Variants in C1QL3 observed in about 807,000 individuals in gnomAD.
C1QL3 encodes complement C1q like 3, also known as complement C1q-like protein 3.
C1QL3 carries 4 observed loss-of-function variants against 16.6 expected under a neutral mutation model. That is an observed-to-expected ratio of 0.24 (90% CI 0.12 to 0.55). C1QL3 has a LOEUF of 0.55. Ranked by LOEUF, C1QL3 falls within the 20% of genes least tolerant of loss-of-function variation. The pLI is 0.94. For missense variants in C1QL3, 269 were observed against 365.6 expected (o/e 0.74, Z 2.16); for synonymous variants, 189 against 160.2 (o/e 1.18, Z -1.36).
Position 16,514,512 on chromosome 10 carries a change from C to T in C1QL3, c.*16G>A, listed in dbSNP as rs114662300. On this transcript the variant is annotated 3_prime_UTR_variant, in exon 2 of 2. Coordinates refer to ENST00000298943, the MANE Select transcript of C1QL3 (RefSeq NM_001010908.2). ...CAGTGTTCAAACTCAGAATAATAAG[C>T]TTAGTTTCTGCATTATCAGTCAGCA... 2,440 of 1,607,762 alleles carry T rather than the reference C, an allele frequency of 1.5e-3. 20 individuals carry two copies. The African/African-American group carries it at 0.023, about 15-fold the overall frequency.
Position 16,520,361 on chromosome 10 carries a change from C to G in C1QL3, c.588+117G>C. 1.2e-6 allele frequency: 1 copy of G among 811,044 alleles called. No homozygotes were observed. Among genetic ancestry groups the G allele is most frequent in the South Asian group, 1.8e-5 (1 of 55,678 alleles). The allele number at this position is 811,044 out of a possible 1,614,324, so 50.2% of individuals were successfully genotyped here. A position where few individuals can be genotyped will look rare whatever the true frequency, so the allele number is the denominator to read the frequency against. ...CCCCCCTTGCCGTCGCTCCAGGGAG[C>G]CCGGCCGCCGCGCCCTTCCTCCGCG... On this transcript the variant is annotated intron_variant, in intron 1 of 1. Transcript: ENST00000298943. The surrounding 1 kb of genome is among the most constrained non-coding windows in gnomAD (Gnocchi z 8.3).
At position 16,520,717 on chromosome 10, in the gene C1QL3, T is replaced by C. The variant is rs1256477275; in HGVS notation, c.349A>G (p.Ser117Gly). The change falls in exon 1 of 2, where the codon AGC (serine) becomes GGC (glycine). Residue 117 changes from serine (S) to glycine (G), a missense_variant. This residue lies in a region of C1QL3 where 246 missense variants were observed against 297.2 expected (regional missense o/e 0.83). Coordinates refer to ENST00000298943, the MANE Select transcript of C1QL3 (RefSeq NM_001010908.2). This position sits in a 1 kb window ranked among gnomAD's most constrained non-coding sequence, Gnocchi z 8.3. ...GGCACCGTGCTGTAGGTGGCGGCGC[T>C]GATGGCCCCGGCCGCGTTCAGGCCG... ...APGLNAAGAISAATYSTVPKI... is the reference protein window; with the variant it reads ...APGLNAAGAIGAATYSTVPKI... 2 of 1,556,814 alleles carry C rather than the reference T, an allele frequency of 1.3e-6. No individual in the cohort carries two copies. Among genetic ancestry groups the C allele is most frequent in the Non-Finnish European group, 1.7e-6 (2 of 1,150,688 alleles).
Position 16,521,606 on chromosome 10 carries a change from T to A in C1QL3, c.-541A>T, listed in dbSNP as rs1837045429. ...TTCTTTCGCTCGCTCAGTTCGCCCG[T>A]CCGCTGCCTTTTTTTTTTATTGCCT... On this transcript the variant is annotated 5_prime_UTR_variant, in exon 1 of 2. Transcript: ENST00000298943. The A allele has an allele frequency of 6.6e-6, 1 of 152,618 alleles. No homozygotes were observed. The highest frequency in any genetic ancestry group is 2.4e-5 in the African/African-American group (1 of 41,320). 9.5% of individuals were successfully genotyped at this position (152,618 alleles called of 1,614,324 possible). A position where few individuals can be genotyped will look rare whatever the true frequency, so the allele number is the denominator to read the frequency against.
rs1298820854 is a variant in C1QL3, at chr10:16,520,952, G to A, written c.114C>T (p.Thr38=). ...CRMVCDPYGG[T]KAPSTAATPD... is the part of the protein sequence containing the mutation. Reference sequence around the variant, plus strand: ...GCGTGGCAGCGGTGCTGGGCGCCTTGGTGCCCCCGTAGGGGTCGCAGACCA... The same window carrying A: ...GCGTGGCAGCGGTGCTGGGCGCCTTAGTGCCCCCGTAGGGGTCGCAGACCA... The change falls in exon 1 of 2, where the codon ACC becomes ACT. Residue 38 remains threonine, a synonymous_variant. Transcript: ENST00000298943. The surrounding 1 kb of genome is among the most constrained non-coding windows in gnomAD (Gnocchi z 8.3). 1 of 1,577,508 alleles carries A rather than the reference G, an allele frequency of 6.3e-7. No individual in the cohort carries two copies. The highest frequency in any genetic ancestry group is 1.3e-5 in the African/African-American group (1 of 74,304).
chr10:16,513,844 C>T lies in C1QL3; in HGVS notation c.*684G>A, dbSNP rs1376984932. The T allele has an allele frequency of 6.5e-6, 1 of 153,024 alleles. No individual in the cohort carries two copies. The highest frequency in any genetic ancestry group is 1.5e-5 in the Non-Finnish European group (1 of 68,374). The allele number at this position is 153,024 out of a possible 1,614,324, so 9.5% of individuals were successfully genotyped here. The stretch of plus-strand genomic sequence containing the variant: ...ACACTTAGAGGGTAATCCTATGATA[C>T]ACTGTCAATCTCTATTTTTAAAGAC... On this transcript the variant is annotated 3_prime_UTR_variant, in exon 2 of 2. Transcript: ENST00000298943.
At chr10:16,515,753 C>T (rs1836940396) in intron 1 of C1QL3, among the ~76,000 whole-genome samples, 1 of 152,138 alleles carries the variant, frequency 6.6e-6, no homozygotes, top group Non-Finnish European at 1.5e-5. Flanking sequence ...AACAGGCAGA[C>T]TTAGATTTGA....
Position 16,520,440 on chromosome 10 carries a change from C to T in C1QL3, c.588+38G>A, listed in dbSNP as rs1158887239. 2 of 1,250,602 alleles carry T rather than the reference C, an allele frequency of 1.6e-6. No homozygotes were observed. Among genetic ancestry groups the T allele is most frequent in the South Asian group, 2.8e-5 (2 of 71,824 alleles). 77.5% of individuals were successfully genotyped at this position (1,250,602 alleles called of 1,614,324 possible). A position where few individuals can be genotyped will look rare whatever the true frequency, so the allele number is the denominator to read the frequency against. ...TCCCTCTCGCCCGCACCTTCCCGCG[C>T]TCCCTCCCCGCCCTCCCCGCCGCCC... On this transcript the variant is annotated intron_variant, in intron 1 of 1. Coordinates refer to ENST00000298943, the MANE Select transcript of C1QL3 (RefSeq NM_001010908.2). The surrounding 1 kb of genome is among the most constrained non-coding windows in gnomAD (Gnocchi z 8.3).
At position 16,521,208 on chromosome 10, in the gene C1QL3, G is replaced by A; in HGVS notation, c.-143C>T. The stretch of plus-strand genomic sequence containing the variant: ...TCTTCAGAGCCGAAAACAACCCCCT[G>A]CGAACCCCAACTCCCCTGGGCGTGC... On this transcript the variant is annotated 5_prime_UTR_variant, in exon 1 of 2. Coordinates refer to ENST00000298943, the MANE Select transcript of C1QL3 (RefSeq NM_001010908.2). The A allele has an allele frequency of 4.2e-6, 3 of 712,370 alleles. No individual in the cohort carries two copies. The highest frequency in any genetic ancestry group is 3.7e-5 in the South Asian group (2 of 54,488). 44.1% of individuals were successfully genotyped at this position (712,370 alleles called of 1,614,324 possible). A position where few individuals can be genotyped will look rare whatever the true frequency, so the allele number is the denominator to read the frequency against.
chr10:16,515,187 T>C (rs10160183), intron 1 of C1QL3, among the ~76,000 whole-genome samples: 17,701 of 142,994 alleles, frequency 0.12, 1,113 homozygotes, highest in Middle Eastern at 0.23. Flanking sequence ...TAGCTAAAAA[T>C]ACCCAGGAAA....
rs930691294 is a variant in C1QL3, at chr10:16,521,046, A to G, written c.20T>C (p.Ile7Thr). 2.5e-6 allele frequency: 4 copies of G among 1,600,224 alleles called. No homozygotes were observed. Among genetic ancestry groups the G allele is most frequent in the Admixed American group, 1.7e-5 (1 of 59,800 alleles). The part of the protein sequence containing the change: MVLLLV[I>T]LIPVLVSSAG... Reference sequence around the variant, plus strand: ...CGAGCTCACCAGCACCGGGATGAGGATCACCAGCAGCAGCACCATCACCAC... The same window carrying G: ...CGAGCTCACCAGCACCGGGATGAGGGTCACCAGCAGCAGCACCATCACCAC... The change falls in exon 1 of 2, where the codon ATC becomes ACC. Residue 7 changes from isoleucine to threonine, a missense_variant. Ile to Thr is a moderately conservative substitution (Grantham distance 89). Transcript: ENST00000298943.
intron 1 of C1QL3, among the ~76,000 whole-genome samples, chr10:16,516,147 T>A (rs1390035617): frequency 6.6e-6 from 1 of 152,176 alleles, no homozygotes; most frequent in Non-Finnish European, 1.5e-5. Flanking sequence ...AGAAAATGGC[T>A]TAAAGGATTT....
rs1837028842 is a variant in C1QL3, at chr10:16,520,784, G to T, written c.282C>A (p.Gly94=). The change falls in exon 1 of 2, where the codon GGC becomes GGA. Residue 94 remains glycine, a synonymous_variant. Transcript: ENST00000298943. The surrounding 1 kb of genome is among the most constrained non-coding windows in gnomAD (Gnocchi z 8.3). ...PGPMGPPGEK[G]EPGRQGLPGP... ...CCGGCAGGCCTTGGCGGCCCGGCTC[G>T]CCCTTCTCGCCCGGGGGCCCCATGG... 7.7e-7 allele frequency: 1 copy of T among 1,298,856 alleles called. No homozygotes were observed. The highest frequency in any genetic ancestry group is 2.6e-5 in the South Asian group (1 of 38,610). The allele number at this position is 1,298,856 out of a possible 1,614,324, so 80.5% of individuals were successfully genotyped here.
Position 16,520,444 on chromosome 10 carries a change from C to A in C1QL3, c.588+34G>T. On this transcript the variant is annotated intron_variant, in intron 1 of 1. Coordinates refer to ENST00000298943, the MANE Select transcript of C1QL3 (RefSeq NM_001010908.2). This position sits in a 1 kb window ranked among gnomAD's most constrained non-coding sequence, Gnocchi z 8.3. ...TCTCGCCCGCACCTTCCCGCGCTCC[C>A]TCCCCGCCCTCCCCGCCGCCCGCCC... 1 of 1,271,924 alleles carries A rather than the reference C, an allele frequency of 7.9e-7. No individual in the cohort carries two copies. 78.8% of individuals were successfully genotyped at this position (1,271,924 alleles called of 1,614,324 possible). A position where few individuals can be genotyped will look rare whatever the true frequency, so the allele number is the denominator to read the frequency against.
chr10:16,519,140 C>CTTATTTTTTTTT (rs1836996587), intron 1 of C1QL3, among the ~76,000 whole-genome samples: 1 of 39,476 alleles, frequency 2.5e-5, no homozygotes. Flanking sequence ...GCATTTAGGA[C>CTTATTTTTTTTT]TTTTTTTTTT....
Position 16,520,732 on chromosome 10 carries a change from C to G in C1QL3, c.334G>C (p.Ala112Pro). The change falls in exon 1 of 2, where the codon GCG becomes CCG. Residue 112 changes from alanine to proline, a missense_variant. By Grantham distance (27) the Ala-to-Pro change is conservative. Around this residue, in one of 2 missense-constraint regions of C1QL3, gnomAD observed 246 missense variants for 297.2 expected, o/e 0.83. Transcript: ENST00000298943. This position sits in a 1 kb window ranked among gnomAD's most constrained non-coding sequence, Gnocchi z 8.3. ...PGPPGAPGLN[A>P]AGAISAATYS... is the part of the protein sequence containing the mutation. ...GTGGCGGCGCTGATGGCCCCGGCCG[C>G]GTTCAGGCCGGGCGCCCCGGGCGGG... 2 of 1,489,222 alleles carry G rather than the reference C, an allele frequency of 1.3e-6. No individual in the cohort carries two copies. Among genetic ancestry groups the G allele is most frequent in the South Asian group, 1.4e-5 (1 of 73,046 alleles). The allele number at this position is 1,489,222 out of a possible 1,614,324, so 92.3% of individuals were successfully genotyped here.
intron 1 of C1QL3, among the ~76,000 whole-genome samples, chr10:16,519,135 TAGGAC>T: frequency 1.4e-5 from 2 of 146,366 alleles, no homozygotes; most frequent in South Asian, 2.2e-4. Flanking sequence ...CTTACGCATT[TAGGAC>T]TTTTTTTTTT....
Position 16,521,035 on chromosome 10 carries a change from C to T in C1QL3, c.31G>A (p.Val11Met). The T allele has an allele frequency of 1.2e-6, 2 of 1,601,158 alleles. No homozygotes were observed. The highest frequency in any genetic ancestry group is 1.7e-6 in the Non-Finnish European group (2 of 1,178,730). Reference sequence around the variant, plus strand: ...GACGTGCCGGCCGAGCTCACCAGCACCGGGATGAGGATCACCAGCAGCAGC... The same window carrying T: ...GACGTGCCGGCCGAGCTCACCAGCATCGGGATGAGGATCACCAGCAGCAGC... MVLLLVILIP[V>M]LVSSAGTSAH... Residue 11 changes from valine (V) to methionine (M), a missense_variant, in exon 1 of 2, where the codon GTG becomes ATG. Val to Met is a conservative substitution (Grantham distance 21). Transcript: ENST00000298943.
chr10:16,520,741 C>T lies in C1QL3; in HGVS notation c.325G>A (p.Gly109Ser), dbSNP rs748304206. Residue 109 changes from glycine (G) to serine (S), a missense_variant, in exon 1 of 2, where the codon GGC (glycine) becomes AGC (serine). This residue lies in a region of C1QL3 where 246 missense variants were observed against 297.2 expected (regional missense o/e 0.83). Transcript: ENST00000298943. This position sits in a 1 kb window ranked among gnomAD's most constrained non-coding sequence, Gnocchi z 8.3. The part of the protein sequence containing the change: ...QGLPGPPGAP[G>S]LNAAGAISAA... ...CTGATGGCCCCGGCCGCGTTCAGGC[C>T]GGGCGCCCCGGGCGGGCCCGGCAGG... is the stretch of plus-strand genomic sequence containing the variant. The T allele has an allele frequency of 4.2e-6, 6 of 1,426,494 alleles. No homozygotes were observed. The highest frequency in any genetic ancestry group is 3.0e-5 in the African/African-American group (2 of 67,420). 88.4% of individuals were successfully genotyped at this position (1,426,494 alleles called of 1,614,324 possible). A position where few individuals can be genotyped will look rare whatever the true frequency, so the allele number is the denominator to read the frequency against.
chr10:16,518,997 A>G (rs1398662334), intron 1 of C1QL3, among the ~76,000 whole-genome samples: 3 of 152,102 alleles, frequency 2.0e-5, no homozygotes, highest in Admixed American at 6.5e-5. Context: ...CATAATAACT[A>G]TAATAAACAA....
Sources: allele counts gnomAD v4.1 joint callset (sites outside exome capture counted in the v4.1 genomes callset), GRCh38; gene constraint gnomAD v4.1.1; regional missense constraint gnomAD v4.1.1; non-coding constraint Gnocchi (gnomAD v3.1); transcripts MANE v1.5; gene names NCBI Gene and HGNC (gene_info 2026-07-23, HGNC 2026-07-21).